The following CTNNA3 variants were observed in gnomAD, a reference collection of about 807,000 sequenced individuals.
CTNNA3 encodes the protein catenin alpha-3.
Under a neutral mutation model 95.7 loss-of-function variants are expected in CTNNA3, and 76 were observed. The observed-to-expected ratio is 0.79, with a 90% CI of 0.66 to 0.96. The LOEUF (loss-of-function observed/expected upper bound fraction) is 0.96, where lower values mean the gene tolerates loss of function less well. CTNNA3 is among the 40% of genes least tolerant of loss of function. The pLI is 0.00. For missense variants in CTNNA3, 1,191 were observed against 1,089.8 expected (o/e 1.09, Z -1.31); for synonymous variants, 431 against 374.4 (o/e 1.15, Z -1.74).
At chr10:67,349,325 GAATA>G (rs145089778) in intron 5 of CTNNA3, among the ~76,000 whole-genome samples, 1,620 of 152,102 alleles carry the variant, frequency 0.011, 25 homozygotes, top group African/African-American at 0.033. Context: ...ACAAATGAAT[GAATA>G]AAGAAAATGT....
chr10:66,222,622 A>AAGAAAGAAAAAG (rs1554895442), intron 13 of CTNNA3, among the ~76,000 whole-genome samples: 1 of 65,230 alleles, frequency 1.5e-5, no homozygotes, highest in African/African-American at 4.1e-5. Flanking sequence ...GAAAGAAAGA[A>AAGAAAGAAAAAG]AAAGAAAGAA....
chr10:67,429,288 T>C (rs554972679), intron 5 of CTNNA3, among the ~76,000 whole-genome samples: 1 of 152,176 alleles, frequency 6.6e-6, no homozygotes, highest in South Asian at 2.1e-4. Flanking sequence ...TTAGTTTGCA[T>C]CCATATTTCT....
intron 7 of CTNNA3, among the ~76,000 whole-genome samples, chr10:67,073,410 T>C (rs896721685): frequency 2.6e-5 from 4 of 152,198 alleles, no homozygotes; most frequent in Non-Finnish European, 5.9e-5. Flanking sequence ...AAATATGTTT[T>C]TCCTTCAGTC....
intron 7 of CTNNA3, among the ~76,000 whole-genome samples, chr10:67,022,762 C>T (rs1231306780): frequency 4.0e-5 from 6 of 151,864 alleles, no homozygotes; most frequent in Non-Finnish European, 8.8e-5. Context: ...ACAGTGAAAC[C>T]CTGTCTCTGC....
chr10:67,717,330 C>T (rs753662637), intron 1 of CTNNA3, among the ~76,000 whole-genome samples: 1 of 152,116 alleles, frequency 6.6e-6, no homozygotes, highest in Non-Finnish European at 1.5e-5. Context: ...AATTAGGTCT[C>T]ATTTGTCTAT....
chr10:67,367,734 G>A (rs1012889721), intron 5 of CTNNA3, among the ~76,000 whole-genome samples: 1 of 152,116 alleles, frequency 6.6e-6, no homozygotes. Flanking sequence ...AAATAACGAA[G>A]TCTTGTTTTT....
chr10:67,172,715 T>A (rs1388241412), intron 7 of CTNNA3, among the ~76,000 whole-genome samples: 2 of 152,168 alleles, frequency 1.3e-5, no homozygotes, highest in African/African-American at 2.4e-5. Flanking sequence ...GGCTTACGCC[T>A]GTAATCCCAG....
Position 66,173,472 on chromosome 10 carries a change from C to T in CTNNA3, c.1885-70223G>A, listed in dbSNP as rs1028896864. ...GGTAGAGTTAGGAGGATTGCTTGAA[C>T]CCAGGAGTTTGAGACCAGCCTGGGC... is the stretch of plus-strand genomic sequence containing the variant. On this transcript the variant is annotated intron_variant, in intron 13 of 17. Transcript: ENST00000433211. 2.6e-5 allele frequency among the ~76,000 whole-genome samples: 4 copies of T among 151,948 alleles called. No homozygotes were observed. The East Asian group carries it at 7.8e-4, about 29-fold the overall frequency.
rs1564907317 is a variant in CTNNA3, at chr10:67,124,374, G to GT, written c.1047+55942_1047+55943insA. On this transcript the variant is annotated intron_variant, in intron 7 of 17. Coordinates refer to ENST00000433211, the MANE Select transcript of CTNNA3 (RefSeq NM_013266.4). ...TGTGTGTGTGTGTGTGTGTGTGTGT[G>GT]GTCTATAAATGACTGTGGAAGGTTC... Among the ~76,000 whole-genome samples, 681 of 139,562 alleles carry GT rather than the reference G, an allele frequency of 4.9e-3. 5 individuals are homozygous for GT. The highest frequency in any genetic ancestry group is 0.018 in the African/African-American group (636 of 35,058). 91.6% of individuals were successfully genotyped at this position (139,562 alleles called of 152,430 possible). A position where few individuals can be genotyped will look rare whatever the true frequency, so the allele number is the denominator to read the frequency against.
chr10:66,134,506 T>A (rs1342321392), intron 13 of CTNNA3, among the ~76,000 whole-genome samples: 1 of 152,116 alleles, frequency 6.6e-6, no homozygotes, highest in Non-Finnish European at 1.5e-5. Context: ...TAATTAGAAG[T>A]GATATTCAAG....
chr10:67,052,011 T>G (rs1422052448), intron 7 of CTNNA3, among the ~76,000 whole-genome samples: 1 of 152,052 alleles, frequency 6.6e-6, no homozygotes, highest in Non-Finnish European at 1.5e-5. Flanking sequence ...CACCTCAGCC[T>G]CCCAAAGTGC....
At chr10:67,096,701 C>T (rs1319378457) in intron 7 of CTNNA3, among the ~76,000 whole-genome samples, 1 of 151,816 alleles carries the variant, frequency 6.6e-6, no homozygotes, top group East Asian at 1.9e-4. Context: ...AACTGTGTTT[C>T]CCTTCTCACC....
intron 11 of CTNNA3, among the ~76,000 whole-genome samples, chr10:66,478,387 G>A (rs182526994): frequency 6.6e-4 from 101 of 151,922 alleles, no homozygotes; most frequent in African/African-American, 2.4e-3. Context: ...AAATCTTCAA[G>A]AATATTAAGC....
intron 15 of CTNNA3, among the ~76,000 whole-genome samples, chr10:65,990,327 C>A (rs527261808): frequency 2.0e-5 from 3 of 150,758 alleles, no homozygotes; most frequent in South Asian, 4.2e-4. Flanking sequence ...AATGGCTGTA[C>A]TAGTTTACAT....
chr10:66,287,105 C>A (rs998177214), intron 12 of CTNNA3, among the ~76,000 whole-genome samples: 1 of 151,958 alleles, frequency 6.6e-6, no homozygotes, highest in African/African-American at 2.4e-5. Context: ...CTCTTGGACA[C>A]GCTAATGCCT....
At chr10:65,943,059 T>A (rs957783082) in intron 17 of CTNNA3, among the ~76,000 whole-genome samples, 1 of 147,998 alleles carries the variant, frequency 6.8e-6, no homozygotes, top group Non-Finnish European at 1.5e-5. Context: ...TATGTCTTTT[T>A]TTCTTTTTCT....
rs372067325 is a variant in CTNNA3, at chr10:66,549,011, C to T, written c.1375-28238G>A. 1.6e-4 allele frequency among the ~76,000 whole-genome samples: 15 copies of T among 94,392 alleles called. No homozygotes were observed. In the South Asian group the frequency reaches 4.0e-3, roughly 25 times the overall value. The allele number at this position is 94,392 out of a possible 152,430, so 61.9% of individuals were successfully genotyped here. On this transcript the variant is annotated intron_variant, in intron 10 of 17. Coordinates refer to ENST00000433211, the MANE Select transcript of CTNNA3 (RefSeq NM_013266.4). ...TTTTTTTTTTTTTTTTTGTTTGAGA[C>T]GGAGTCTTGCTCTGTTGCCCAGCCT...
At chr10:67,464,733 C>T (rs1459998005) in intron 5 of CTNNA3, among the ~76,000 whole-genome samples, 2 of 151,972 alleles carry the variant, frequency 1.3e-5, no homozygotes, top group African/African-American at 4.8e-5. Context: ...AGAAAAAGGA[C>T]ACTTTGTCCC....
intron 1 of CTNNA3, among the ~76,000 whole-genome samples, chr10:67,744,072 AC>A (rs1480938137): frequency 6.6e-6 from 1 of 151,338 alleles, no homozygotes; most frequent in Non-Finnish European, 1.5e-5. Flanking sequence ...AAATGGCCAT[AC>A]TGCCCAAGGT....
Sources: allele counts gnomAD v4.1 joint callset (sites outside exome capture counted in the v4.1 genomes callset), GRCh38; gene constraint gnomAD v4.1.1; transcripts MANE v1.5; gene names NCBI Gene and HGNC (gene_info 2026-07-23, HGNC 2026-07-21).